Variants in CSNK1G1 observed in about 807,000 individuals in gnomAD.
CSNK1G1 encodes casein kinase 1 gamma 1, also known as casein kinase I isoform gamma-1.
Under a neutral mutation model 59.6 loss-of-function variants are expected in CSNK1G1, and 22 were observed. The ratio of observed to expected loss-of-function variants is 0.37; its 90% CI spans 0.26 to 0.53. CSNK1G1 has a LOEUF of 0.53. Ranked by LOEUF, CSNK1G1 falls within the 20% of genes least tolerant of loss-of-function variation. CSNK1G1 has a pLI of 0.89. For missense variants in CSNK1G1, 384 were observed against 519.5 expected, an observed-to-expected ratio of 0.74 and a Z score of 2.54; for synonymous variants, 179 against 177.1, an observed-to-expected ratio of 1.01 and a Z score of -0.08.
chr15:64,252,520 T>C (rs1416270822), intron 3 of CSNK1G1, among the ~76,000 whole-genome samples: 1 of 152,032 alleles, frequency 6.6e-6, no homozygotes, highest in Non-Finnish European at 1.5e-5. Flanking sequence ...CTTATATTAT[T>C]TTAATGGTTT....
At chr15:64,207,670 T>C in intron 6 of CSNK1G1, 76 bp from the exon 7 acceptor site, 1 of 1,074,960 alleles carries the variant, frequency 9.3e-7, no homozygotes, top group East Asian at 2.4e-5. Context: ...AGTAATCCCT[T>C]CAGAAACCCT....
chr15:64,254,829 T>A (rs753165304), intron 3 of CSNK1G1, among the ~76,000 whole-genome samples: 9 of 152,350 alleles, frequency 5.9e-5, no homozygotes, highest in Non-Finnish European at 1.2e-4. Context: ...TTTCTTTTGT[T>A]GTCTGTGATT....
intron 1 of CSNK1G1, among the ~76,000 whole-genome samples, chr15:64,341,823 A>G (rs1413365704): frequency 6.6e-6 from 1 of 152,162 alleles, no homozygotes; most frequent in East Asian, 1.9e-4. Context: ...CTCACAGACT[A>G]TCTACTCTAA....
chr15:64,201,282 A>AG (rs2082103179), intron 10 of CSNK1G1, among the ~76,000 whole-genome samples: 2 of 151,556 alleles, frequency 1.3e-5, no homozygotes, highest in South Asian at 4.1e-4. Context: ...AAAAAAAAAA[A>AG]AAAAAAAAGA....
chr15:64,240,912 A>G (rs143394397), intron 4 of CSNK1G1, among the ~76,000 whole-genome samples: 80 of 152,332 alleles, frequency 5.3e-4, no homozygotes, highest in African/African-American at 1.9e-3. Flanking sequence ...AAACCGTATC[A>G]CTACAGAAAA....
intron 2 of CSNK1G1, among the ~76,000 whole-genome samples, chr15:64,259,513 C>CAT (rs1294334695): frequency 6.7e-6 from 1 of 148,934 alleles, no homozygotes; most frequent in South Asian, 2.1e-4. Flanking sequence ...CACACACACA[C>CAT]ACACACACAC....
chr15:64,229,720 G>A (rs887315989), intron 4 of CSNK1G1, among the ~76,000 whole-genome samples: 7 of 151,898 alleles, frequency 4.6e-5, no homozygotes, highest in African/African-American at 1.7e-4. Context: ...CCTGTATCTG[G>A]ATGGCTTGAA....
chr15:64,284,594 T>C (rs1452714166), intron 2 of CSNK1G1, among the ~76,000 whole-genome samples: 1 of 152,094 alleles, frequency 6.6e-6, no homozygotes, highest in Non-Finnish European at 1.5e-5. Flanking sequence ...ATTTTTAATT[T>C]TTTTAATTTT....
chr15:64,319,827 A>G (rs1441830931), intron 1 of CSNK1G1, among the ~76,000 whole-genome samples: 2 of 152,128 alleles, frequency 1.3e-5, no homozygotes, highest in African/African-American at 2.4e-5. Context: ...TTCGTGTTAC[A>G]GACACAAAAT....
intron 4 of CSNK1G1, among the ~76,000 whole-genome samples, chr15:64,244,024 C>A (rs575499790): frequency 6.6e-6 from 1 of 151,138 alleles, no homozygotes; most frequent in East Asian, 2.0e-4. Context: ...CAAAAACTAG[C>A]TGGGTGTGGT....
At chr15:64,250,249 T>G (rs978630642) in intron 4 of CSNK1G1, among the ~76,000 whole-genome samples, 1 of 152,168 alleles carries the variant, frequency 6.6e-6, no homozygotes, top group Non-Finnish European at 1.5e-5. Flanking sequence ...AAATATATAC[T>G]GAGAGGCTAC....
intron 3 of CSNK1G1, among the ~76,000 whole-genome samples, chr15:64,252,356 G>A (rs1339320542): frequency 6.6e-6 from 1 of 151,784 alleles, no homozygotes; most frequent in Non-Finnish European, 1.5e-5. Flanking sequence ...GACCACAAGT[G>A]TGTGCCACCA....
At chr15:64,238,757 C>T (rs1434429147) in intron 4 of CSNK1G1, among the ~76,000 whole-genome samples, 2 of 151,642 alleles carry the variant, frequency 1.3e-5, no homozygotes, top group Non-Finnish European at 2.9e-5. Flanking sequence ...TGGAGTTGGG[C>T]CAGGGCTGTG....
chr15:64,199,015 G>A (rs1157165250), intron 10 of CSNK1G1, among the ~76,000 whole-genome samples: 7 of 151,538 alleles, frequency 4.6e-5, no homozygotes, highest in Non-Finnish European at 7.4e-5. Flanking sequence ...GCAGAGGTGG[G>A]CAGATTGCTT....
intron 1 of CSNK1G1, among the ~76,000 whole-genome samples, chr15:64,311,080 G>C (rs2140421840): frequency 6.6e-6 from 1 of 151,088 alleles, no homozygotes; most frequent in South Asian, 2.1e-4. Context: ...TTTTAAGACA[G>C]TCTCGCTCTG....
chr15:64,211,585 A>G (rs1337251447), intron 6 of CSNK1G1, among the ~76,000 whole-genome samples: 1 of 152,220 alleles, frequency 6.6e-6, no homozygotes, highest in Non-Finnish European at 1.5e-5. Context: ...AATAAATAAT[A>G]ATCGGGATAA....
Position 64,176,314 on chromosome 15 carries a change from G to C in CSNK1G1, c.1214+4034C>G. The C allele has an allele frequency of 2.8e-6, 1 of 356,410 alleles. No individual in the cohort carries two copies. The highest frequency in any genetic ancestry group is 4.9e-6 in the Non-Finnish European group (1 of 202,244). The allele number at this position is 356,410 out of a possible 1,614,324, so 22.1% of individuals were successfully genotyped here. A position where few individuals can be genotyped will look rare whatever the true frequency, so the allele number is the denominator to read the frequency against. On this transcript the variant is annotated intron_variant, in intron 11 of 11. Coordinates refer to ENST00000303052, the MANE Select transcript of CSNK1G1 (RefSeq NM_022048.5). This position sits in a 1 kb window ranked among gnomAD's most constrained non-coding sequence, Gnocchi z 5.2. ...CAGAGTATATAAAGAGAAAAACACA[G>C]AAAGGAAGAGAGAGAAAGAGAGAGA... is the stretch of plus-strand genomic sequence containing the variant.
At chr15:64,221,603 T>C (rs900998956) in intron 4 of CSNK1G1, among the ~76,000 whole-genome samples, 4 of 151,670 alleles carry the variant, frequency 2.6e-5, no homozygotes, top group African/African-American at 2.4e-5. Context: ...GATACCAGTG[T>C]AGAAAAAGCT....
intron 1 of CSNK1G1, among the ~76,000 whole-genome samples, chr15:64,327,152 C>G (rs181565747): frequency 8.5e-5 from 13 of 152,262 alleles, no homozygotes; most frequent in Admixed American, 4.6e-4. Context: ...CCGGGAAGCT[C>G]GAACTGGGTG....
Sources: allele counts gnomAD v4.1 joint callset (sites outside exome capture counted in the v4.1 genomes callset), GRCh38; gene constraint gnomAD v4.1.1; non-coding constraint Gnocchi (gnomAD v3.1); transcripts MANE v1.5; gene names NCBI Gene and HGNC (gene_info 2026-07-23, HGNC 2026-07-21).